Variants in GBE1 observed in about 807,000 individuals in gnomAD.
GBE1 encodes the protein 1,4-alpha-glucan-branching enzyme.
Under a neutral mutation model 88.8 loss-of-function variants are expected in GBE1, and 70 were observed. The ratio of observed to expected loss-of-function variants is 0.79; its 90% CI spans 0.65 to 0.96. The LOEUF is 0.96. Ranked by LOEUF, GBE1 falls within the 40% of genes least tolerant of loss-of-function variation. The pLI, the probability that GBE1 is intolerant of heterozygous loss-of-function variation, is 0.00. For synonymous variants in GBE1, 284 were observed against 300.1 expected, an observed-to-expected ratio of 0.95 and a Z score of 0.56; for missense variants, 872 against 871.0, an observed-to-expected ratio of 1.00 and a Z score of -0.01.
chr3:81,623,038 T>C (rs1453024339), intron 7 of GBE1, among the ~76,000 whole-genome samples: 4 of 152,190 alleles, frequency 2.6e-5, no homozygotes, highest in African/African-American at 9.7e-5. Flanking sequence ...TTTTCAGTAA[T>C]GTCATACCAT....
At chr3:81,757,130 T>A (rs989029647) in intron 1 of GBE1, among the ~76,000 whole-genome samples, 4 of 152,092 alleles carry the variant, frequency 2.6e-5, no homozygotes, top group Admixed American at 2.6e-4. Context: ...AAGGAATGCA[T>A]GTGGGAAATG....
At chr3:81,721,067 G>A in intron 1 of GBE1, among the ~76,000 whole-genome samples, 1 of 71,374 alleles carries the variant, frequency 1.4e-5, no homozygotes, top group South Asian at 6.2e-4. Flanking sequence ...CGGGGGAGGG[G>A]GGAGGGATAG....
intron 9 of GBE1, among the ~76,000 whole-genome samples, chr3:81,588,670 T>C (rs917908647): frequency 6.6e-6 from 1 of 152,152 alleles, no homozygotes; most frequent in Non-Finnish European, 1.5e-5. Flanking sequence ...CACCAAATCA[T>C]GGCATGCAAT....
At chr3:81,563,694 C>T (rs1014723965) in intron 12 of GBE1, among the ~76,000 whole-genome samples, 15 of 151,984 alleles carry the variant, frequency 9.9e-5, no homozygotes, top group African/African-American at 3.6e-4. Flanking sequence ...CTTTGAAGTG[C>T]TTATAAAATG....
chr3:81,690,480 T>C (rs968632028), intron 2 of GBE1, among the ~76,000 whole-genome samples: 2 of 152,226 alleles, frequency 1.3e-5, no homozygotes, highest in Admixed American at 6.5e-5. Context: ...TACATGTGCA[T>C]TAAATAAACA....
At chr3:81,738,366 C>G (rs1167584024) in intron 1 of GBE1, among the ~76,000 whole-genome samples, 1 of 151,410 alleles carries the variant, frequency 6.6e-6, no homozygotes, top group East Asian at 1.9e-4. Context: ...TACAGTCCCA[C>G]CAACAGTGTA....
intron 2 of GBE1, among the ~76,000 whole-genome samples, chr3:81,691,048 G>T (rs1323937549): frequency 6.6e-6 from 1 of 151,816 alleles, no homozygotes; most frequent in Non-Finnish European, 1.5e-5. Context: ...TTCCTATATG[G>T]CCGATGATGA....
At chr3:81,679,571 T>C (rs538975231) in intron 2 of GBE1, among the ~76,000 whole-genome samples, 1 of 152,332 alleles carries the variant, frequency 6.6e-6, no homozygotes, top group South Asian at 2.1e-4. Flanking sequence ...ACTCAAATAA[T>C]TTTCTGTGTT....
chr3:81,513,612 C>T (rs1223692788), intron 14 of GBE1, among the ~76,000 whole-genome samples: 1 of 151,148 alleles, frequency 6.6e-6, no homozygotes, highest in African/African-American at 2.4e-5. Context: ...AGAAAAAAGA[C>T]AACAGACAGG....
chr3:81,622,371 G>C (rs190753825), intron 7 of GBE1, among the ~76,000 whole-genome samples: 1 of 152,158 alleles, frequency 6.6e-6, no homozygotes, highest in Non-Finnish European at 1.5e-5. Context: ...CATTTCACCT[G>C]CATATCCTTC....
At chr3:81,647,008 G>C (rs968170804) in intron 5 of GBE1, among the ~76,000 whole-genome samples, 13 of 144,780 alleles carry the variant, frequency 9.0e-5, no homozygotes, top group African/African-American at 3.4e-4. Context: ...CCAGGCTGCA[G>C]TGCAGTGGCT....
intron 7 of GBE1, among the ~76,000 whole-genome samples, chr3:81,637,637 T>C (rs1704609755): frequency 6.6e-6 from 1 of 152,140 alleles, no homozygotes; most frequent in South Asian, 2.1e-4. Flanking sequence ...ATTGTTCTCT[T>C]TGTAATTCAA....
chr3:81,612,572 C>A, intron 7 of GBE1: 1 of 722,118 alleles, frequency 1.4e-6, no homozygotes, highest in Non-Finnish European at 2.5e-6. Flanking sequence ...TGTTGTTACC[C>A]CCAAATTTGG....
chr3:81,528,169 A>T (rs1702969913), intron 14 of GBE1, among the ~76,000 whole-genome samples: 1 of 144,016 alleles, frequency 6.9e-6, no homozygotes, highest in Non-Finnish European at 1.5e-5. Context: ...TTGAACAATG[A>T]GAACACATGG....
At chr3:81,501,021 G>A (rs557801383) in intron 14 of GBE1, among the ~76,000 whole-genome samples, 16 of 151,788 alleles carry the variant, frequency 1.1e-4, no homozygotes, top group African/African-American at 3.9e-4. Context: ...TTATTACCTG[G>A]GTGACAAAAA....
intron 7 of GBE1, among the ~76,000 whole-genome samples, chr3:81,608,514 CACGGAAT>C (rs1225050533): frequency 6.6e-6 from 1 of 152,130 alleles, no homozygotes; most frequent in Admixed American, 6.5e-5. Context: ...CACTAAAGGT[CACGGAAT>C]ACGTTTGTGA....
chr3:81,535,769 C>T (rs1576137699), intron 13 of GBE1, among the ~76,000 whole-genome samples: 3 of 152,050 alleles, frequency 2.0e-5, no homozygotes. Context: ...TCTGAAATTA[C>T]AGTTCTCTTA....
At chr3:81,495,427 C>T (rs971966336) in intron 15 of GBE1, among the ~76,000 whole-genome samples, 1 of 152,052 alleles carries the variant, frequency 6.6e-6, no homozygotes, top group African/African-American at 2.4e-5. Context: ...AAAAAGTCAT[C>T]AGATTCTTTC....
intron 1 of GBE1, among the ~76,000 whole-genome samples, chr3:81,761,113 G>A (rs936494070): frequency 6.6e-6 from 1 of 152,236 alleles, no homozygotes; most frequent in African/African-American, 2.4e-5. Flanking sequence ...TATGGCGCAA[G>A]ACCGCTGATT....
Sources: gnomAD v4.1 joint callset for allele counts (sites outside exome capture counted in the v4.1 genomes callset) on GRCh38, gnomAD v4.1.1 for gene constraint, MANE v1.5 for transcripts, NCBI Gene and HGNC (gene_info 2026-07-23, HGNC 2026-07-21) for gene names.